The following NXPH1 variants were observed in gnomAD, a reference collection of about 807,000 sequenced individuals.
NXPH1 encodes the protein neurexophilin-1.
Under a neutral mutation model 23.7 loss-of-function variants are expected in NXPH1, and 5 were observed. The observed-to-expected ratio is 0.21, with a 90% CI of 0.11 to 0.44. The LOEUF is 0.44. Among genes scored for constraint, NXPH1 ranks in the 20% least tolerant of loss-of-function variants. NXPH1 has a pLI of 0.99. For synonymous variants in NXPH1, 144 were observed against 122.2 expected, an observed-to-expected ratio of 1.18 and a Z score of -1.18; for missense variants, 324 against 321.6, an observed-to-expected ratio of 1.01 and a Z score of -0.06.
At chr7:8,605,869 C>A (rs571372295) in intron 2 of NXPH1, among the ~76,000 whole-genome samples, 1 of 152,072 alleles carries the variant, frequency 6.6e-6, no homozygotes, top group Non-Finnish European at 1.5e-5. Context: ...AAGCACCATT[C>A]TTGATTTTAA....
rs1243641183 is a variant in NXPH1 at position 8,433,902 on chromosome 7, C to A, written c.-964C>A. The A allele has an allele frequency of 6.6e-6, 1 of 152,294 alleles. No homozygotes were observed. Among genetic ancestry groups the A allele is most frequent in the East Asian group, 1.9e-4 (1 of 5,188 alleles). 9.4% of individuals were successfully genotyped at this position (152,294 alleles called of 1,614,324 possible). On this transcript the variant is annotated 5_prime_UTR_variant, in exon 1 of 3. The change creates a new upstream start codon in the 5' untranslated region. Transcript: ENST00000405863. This position sits in a 1 kb window ranked among gnomAD's most constrained non-coding sequence, Gnocchi z 6.8. ...GCCCGCGAGAGCCTGAGAGCCGGAT[C>A]TGTTTACACAGGGTACTAATTAGTC...
chr7:8,495,417 C>A (rs1013222999), intron 2 of NXPH1, among the ~76,000 whole-genome samples: 14 of 151,904 alleles, frequency 9.2e-5, no homozygotes, highest in Non-Finnish European at 2.1e-4. Flanking sequence ...TTTGACCAAA[C>A]AACCGAACAC....
At chr7:8,645,356 A>G (rs925739429) in intron 2 of NXPH1, among the ~76,000 whole-genome samples, 3 of 152,070 alleles carry the variant, frequency 2.0e-5, no homozygotes, top group Non-Finnish European at 2.9e-5. Flanking sequence ...CTCCAAATAT[A>G]TTATATGGAA....
intron 2 of NXPH1, among the ~76,000 whole-genome samples, chr7:8,667,214 T>A (rs775033562): frequency 2.6e-5 from 4 of 152,146 alleles, no homozygotes; most frequent in Middle Eastern, 3.2e-3. Context: ...GGATATGTGA[T>A]AATTAGCCAT....
intron 2 of NXPH1, among the ~76,000 whole-genome samples, chr7:8,586,522 T>C (rs550213912): frequency 3.3e-4 from 50 of 152,042 alleles, no homozygotes; most frequent in Non-Finnish European, 5.3e-4. Context: ...ATGAGTTTTG[T>C]TCAGTCTTGA....
At chr7:8,444,977 A>T (rs1816374663) in intron 2 of NXPH1, among the ~76,000 whole-genome samples, 1 of 152,192 alleles carries the variant, frequency 6.6e-6, no homozygotes, top group Non-Finnish European at 1.5e-5. Flanking sequence ...TTGTGGTCAG[A>T]GACAGCTAGC....
At chr7:8,679,691 TTAA>T in intron 2 of NXPH1, among the ~76,000 whole-genome samples, 1 of 152,356 alleles carries the variant, frequency 6.6e-6, no homozygotes, top group Non-Finnish European at 1.5e-5. Flanking sequence ...CATGGTGGCC[TTAA>T]TCACCCAAGT....
At chr7:8,707,628 G>C (rs554818532) in intron 2 of NXPH1, among the ~76,000 whole-genome samples, 2 of 152,110 alleles carry the variant, frequency 1.3e-5, no homozygotes, top group South Asian at 4.2e-4. Context: ...AGATCCATCA[G>C]GATCTGTAGG....
At chr7:8,480,873 C>T (rs1817061741) in intron 2 of NXPH1, among the ~76,000 whole-genome samples, 2 of 152,116 alleles carry the variant, frequency 1.3e-5, no homozygotes, top group South Asian at 4.1e-4. Flanking sequence ...CAATCATGGT[C>T]CACACATTTA....
intron 2 of NXPH1, among the ~76,000 whole-genome samples, chr7:8,600,001 A>G (rs1819321286): frequency 6.6e-6 from 1 of 152,054 alleles, no homozygotes; most frequent in Admixed American, 6.6e-5. Context: ...AATTATCTGA[A>G]GACAGTATTA....
chr7:8,615,644 C>G (rs1819718022), intron 2 of NXPH1, among the ~76,000 whole-genome samples: 1 of 152,078 alleles, frequency 6.6e-6, no homozygotes, highest in South Asian at 2.1e-4. Context: ...TCTCCCTTCC[C>G]TCTTTCCTTC....
At chr7:8,629,275 G>A (rs1820070495) in intron 2 of NXPH1, among the ~76,000 whole-genome samples, 1 of 152,052 alleles carries the variant, frequency 6.6e-6, no homozygotes, top group South Asian at 2.1e-4. Context: ...AAACTTTCCA[G>A]TTTTTATAGT....
At chr7:8,710,481 C>A (rs1262859528) in intron 2 of NXPH1, among the ~76,000 whole-genome samples, 2 of 152,062 alleles carry the variant, frequency 1.3e-5, no homozygotes, top group African/African-American at 4.8e-5. Context: ...AAGCATTTTT[C>A]TGGATTGAGG....
intron 2 of NXPH1, among the ~76,000 whole-genome samples, chr7:8,606,805 G>T (rs1819502741): frequency 6.6e-6 from 1 of 152,164 alleles, no homozygotes; most frequent in Non-Finnish European, 1.5e-5. Flanking sequence ...AGACATGATA[G>T]TGATGCTACT....
At chr7:8,450,795 C>T (rs78080096) in intron 2 of NXPH1, among the ~76,000 whole-genome samples, 3,681 of 152,272 alleles carry the variant, frequency 0.024, 77 homozygotes, top group Middle Eastern at 0.037. Context: ...TCATATTCTC[C>T]GCAAGAATTC....
chr7:8,562,696 G>T (rs757631218), intron 2 of NXPH1, among the ~76,000 whole-genome samples: 3 of 151,622 alleles, frequency 2.0e-5, no homozygotes, highest in South Asian at 2.1e-4. Context: ...AATGGATATT[G>T]TCTTAACATA....
chr7:8,523,657 A>G (rs17150443), intron 2 of NXPH1, among the ~76,000 whole-genome samples: 36,123 of 152,100 alleles, frequency 0.24, 4,399 homozygotes, highest in East Asian at 0.3. Context: ...AGTAATTTGT[A>G]CTAAGGAGCT....
At chr7:8,540,367 G>A (rs986475773) in intron 2 of NXPH1, among the ~76,000 whole-genome samples, 8 of 151,810 alleles carry the variant, frequency 5.3e-5, no homozygotes, top group Non-Finnish European at 1.0e-4. Context: ...TAAAATGTGT[G>A]AAACGACAAG....
chr7:8,523,198 C>A (rs1817802135), intron 2 of NXPH1, among the ~76,000 whole-genome samples: 1 of 152,174 alleles, frequency 6.6e-6, no homozygotes, highest in Admixed American at 6.5e-5. Flanking sequence ...GACTGAGGTC[C>A]ATCTCAAGCC....
Sources: allele counts gnomAD v4.1 joint callset (sites outside exome capture counted in the v4.1 genomes callset), GRCh38; gene constraint gnomAD v4.1.1; non-coding constraint Gnocchi (gnomAD v3.1); transcripts MANE v1.5; gene names NCBI Gene and HGNC (gene_info 2026-07-23, HGNC 2026-07-21).